Variants in FAM222B observed in about 807,000 individuals in gnomAD.
FAM222B encodes protein FAM222B.
A neutral mutation model predicts 38.0 loss-of-function variants in FAM222B; 12 were observed. That is an observed-to-expected ratio of 0.32 (90% confidence interval 0.20 to 0.51). FAM222B has a LOEUF of 0.51. Among genes scored for constraint, FAM222B ranks in the 20% least tolerant of loss-of-function variants. FAM222B has a pLI of 0.97. For missense variants in FAM222B, 716 were observed against 754.2 expected (o/e 0.95, Z 0.59); for synonymous variants, 329 against 317.2 (o/e 1.04, Z -0.40).
intron 1 of FAM222B, among the ~76,000 whole-genome samples, chr17:28,789,356 C>A (rs549527420): frequency 6.6e-6 from 1 of 151,984 alleles, no homozygotes; most frequent in East Asian, 1.9e-4. Flanking sequence ...CACCACCATG[C>A]ACAGCTAATT....
At chr17:28,801,623 G>A (rs761680620) in intron 1 of FAM222B, among the ~76,000 whole-genome samples, 7 of 151,848 alleles carry the variant, frequency 4.6e-5, no homozygotes, top group African/African-American at 1.2e-4. Context: ...TATTATTATT[G>A]TTGTTCTTCT....
intron 1 of FAM222B, among the ~76,000 whole-genome samples, chr17:28,822,757 C>A (rs2038274851): frequency 7.8e-6 from 1 of 128,110 alleles, no homozygotes; most frequent in Non-Finnish European, 1.6e-5. Context: ...GAGCTGAGAT[C>A]ACGCCACTGC....
chr17:28,841,437 C>T (rs973691229), intron 1 of FAM222B, among the ~76,000 whole-genome samples: 6 of 152,194 alleles, frequency 3.9e-5, no homozygotes, highest in Admixed American at 1.3e-4. Flanking sequence ...TGCAATAGCA[C>T]TATCTCGGCT....
At chr17:28,782,772 G>A (rs528600685) in intron 1 of FAM222B, among the ~76,000 whole-genome samples, 3 of 152,228 alleles carry the variant, frequency 2.0e-5, no homozygotes, top group Admixed American at 6.5e-5. Context: ...GGAGGCTGCA[G>A]TGGGAAGATC....
chr17:28,804,437 C>T (rs1313848761), intron 1 of FAM222B, among the ~76,000 whole-genome samples: 1 of 152,136 alleles, frequency 6.6e-6, no homozygotes, highest in African/African-American at 2.4e-5. Flanking sequence ...CGGGTTCAAG[C>T]GATTCTCCTG....
At chr17:28,812,557 G>C (rs2037833324) in intron 1 of FAM222B, 1 of 152,382 alleles carries the variant, frequency 6.6e-6, no homozygotes, top group African/African-American at 2.4e-5. Flanking sequence ...AGAGCGACTC[G>C]CCAAACAGCC....
At chr17:28,850,140 C>G (rs1043252419) in intron 1 of FAM222B, among the ~76,000 whole-genome samples, 1 of 152,022 alleles carries the variant, frequency 6.6e-6, no homozygotes, top group Non-Finnish European at 1.5e-5. Flanking sequence ...TGTCATCACT[C>G]TCTTCTCTGC....
At chr17:28,806,938 T>C (rs961857683) in intron 1 of FAM222B, among the ~76,000 whole-genome samples, 1 of 152,206 alleles carries the variant, frequency 6.6e-6, no homozygotes, top group Admixed American at 6.5e-5. Flanking sequence ...TTTTCCCTAC[T>C]TCAGAGAAAT....
chr17:28,757,327 C>G lies in FAM222B; in HGVS notation c.*943G>C, dbSNP rs759106376. On this transcript the variant is annotated 3_prime_UTR_variant, in exon 3 of 3. Transcript: ENST00000581407. ...TCATACAGAAACGTAACGTTTAAAACTTACAGTGTAGAGCAATATTCTTAG... is the reference window on the plus strand; with the variant it reads ...TCATACAGAAACGTAACGTTTAAAAGTTACAGTGTAGAGCAATATTCTTAG... The G allele has an allele frequency of 6.6e-6, 1 of 152,444 alleles. No individual in the cohort carries two copies. Among genetic ancestry groups the G allele is most frequent in the Non-Finnish European group, 1.5e-5 (1 of 68,032 alleles). 9.4% of individuals were successfully genotyped at this position (152,444 alleles called of 1,614,324 possible).
intron 1 of FAM222B, among the ~76,000 whole-genome samples, chr17:28,836,080 C>T (rs2038837601): frequency 1.3e-5 from 2 of 151,916 alleles, no homozygotes; most frequent in South Asian, 4.2e-4. Flanking sequence ...ACCTCCGCCT[C>T]CCGTGTTCAA....
rs1301066561 is a variant in FAM222B at position 28,766,628 on chromosome 17, G to C, written c.40C>G (p.Gln14Glu). 6.2e-7 allele frequency: 1 copy of C among 1,606,718 alleles called. No individual in the cohort carries two copies. The highest frequency in any genetic ancestry group is 8.5e-7 in the Non-Finnish European group (1 of 1,176,532). The change falls in exon 2 of 3, where the codon CAG becomes GAG. Residue 14 changes from glutamine (Q) to glutamate (E), a missense_variant. Coordinates refer to ENST00000581407, the MANE Select transcript of FAM222B (RefSeq NM_001077498.3). ...TTCATCTGCGTGTGAGAAAGAAGCT[G>C]AAAGGACAGGTCACCTGGCCCTGGT... Reference protein sequence around the residue: ...CLPGPGDLSFQLLSHTQMNTG... With the variant: ...CLPGPGDLSFELLSHTQMNTG...
chr17:28,800,498 A>G lies in FAM222B; in HGVS notation c.-40-33791T>C, dbSNP rs1054475552. 4.6e-5 allele frequency among the ~76,000 whole-genome samples: 7 copies of G among 152,320 alleles called. No individual in the cohort carries two copies. In the East Asian group the frequency reaches 1.3e-3, roughly 29 times the overall value. On this transcript the variant is annotated intron_variant, in intron 1 of 2. Transcript: ENST00000581407. ...GGCGCACTAAGGAACAATTTCTCCC[A>G]AAATATACTATCACTGATAAGAATG...
chr17:28,801,831 T>A (rs2037244976), intron 1 of FAM222B, among the ~76,000 whole-genome samples: 1 of 152,016 alleles, frequency 6.6e-6, no homozygotes, highest in African/African-American at 2.4e-5. Context: ...AAAATGCCAA[T>A]GGTAGAAGTG....
In FAM222B at chr17:28,848,238, G is replaced by T. The variant is rs17794316; in HGVS notation, c.-41+6712C>A. Among the ~76,000 whole-genome samples the T allele has an allele frequency of 3.2e-3, 484 of 152,144 alleles. 7 individuals are homozygous for T. Among genetic ancestry groups the T allele is most frequent in the Non-Finnish European group, 5.6e-3 (381 of 67,996 alleles). ...GAAAGAAGCAAAATTCTCCTTGTAC[G>T]TTTTATCTCCCTGGGTTATGTGCCC... On this transcript the variant is annotated intron_variant, in intron 1 of 2. Transcript: ENST00000577513.
chr17:28,764,274 A>G (rs1248419193), intron 2 of FAM222B, among the ~76,000 whole-genome samples: 1 of 133,682 alleles, frequency 7.5e-6, no homozygotes, highest in East Asian at 2.1e-4. Flanking sequence ...TCCATCTCAA[A>G]AAAAAAAAAA....
At chr17:28,816,204 G>A (rs919483104) in intron 1 of FAM222B, among the ~76,000 whole-genome samples, 5 of 151,734 alleles carry the variant, frequency 3.3e-5, no homozygotes, top group African/African-American at 1.2e-4. Context: ...TTGAACCCAG[G>A]AGGCAGAGAT....
intron 1 of FAM222B, among the ~76,000 whole-genome samples, chr17:28,811,069 AAT>A (rs2037737499): frequency 6.6e-6 from 1 of 152,208 alleles, no homozygotes; most frequent in Non-Finnish European, 1.5e-5. Flanking sequence ...CAAAAAAAAA[AAT>A]ATTCATCCCT....
Position 28,780,192 on chromosome 17 carries a change from G to A in FAM222B, c.-40-13485C>T, listed in dbSNP as rs147237496. Reference sequence around the variant, plus strand: ...TCACCATACTGGCCAGGATGGTCTCGATCTCCTGACCTCATGATCTATCCG... The same window carrying A: ...TCACCATACTGGCCAGGATGGTCTCAATCTCCTGACCTCATGATCTATCCG... On this transcript the variant is annotated intron_variant, in intron 1 of 2. Transcript: ENST00000581407. Among the ~76,000 whole-genome samples the A allele has an allele frequency of 5.2e-3, 793 of 151,972 alleles. 7 individuals are homozygous for A. Among genetic ancestry groups the A allele is most frequent in the African/African-American group, 0.018 (750 of 41,430 alleles).
At chr17:28,852,261 G>A (rs1259677692) in intron 1 of FAM222B, among the ~76,000 whole-genome samples, 1 of 151,804 alleles carries the variant, frequency 6.6e-6, no homozygotes, top group Non-Finnish European at 1.5e-5. Flanking sequence ...CAGCTACTCG[G>A]GAGGCTGAGG....
Sources: allele counts gnomAD v4.1 joint callset (sites outside exome capture counted in the v4.1 genomes callset), GRCh38; gene constraint gnomAD v4.1.1; transcripts MANE v1.5; gene names NCBI Gene and HGNC (gene_info 2026-07-23, HGNC 2026-07-21).